VRK2: variants seen among roughly 807,000 people sequenced by gnomAD.
VRK2 encodes VRK serine/threonine kinase 2.
A neutral mutation model predicts 57.6 loss-of-function variants in VRK2; 60 were observed. The ratio of observed to expected loss-of-function variants is 1.04; its 90% confidence interval spans 0.85 to 1.29. VRK2 has a LOEUF of 1.29. Ranked by LOEUF, VRK2 falls within the 50% of genes most tolerant of loss-of-function variation. The probability of loss-of-function intolerance (pLI) is 0.00; values close to 1 mark genes in which losing one functional copy is unlikely to be tolerated. For missense variants in VRK2, 705 were observed against 588.1 expected (o/e 1.20, Z -2.06); for synonymous variants, 231 against 199.2 (o/e 1.16, Z -1.35).
intron 12 of VRK2, among the ~76,000 whole-genome samples, chr2:58,149,996 CTTTTTTTTTT>C (rs55783668): frequency 1.8e-5 from 2 of 108,346 alleles, no homozygotes; most frequent in Non-Finnish European, 3.9e-5. Context: ...TTTTTCTTTT[CTTTTTTTTTT>C]TTTTTTTTGC....
chr2:58,053,021 A>C (rs1675984321), intron 2 of VRK2, among the ~76,000 whole-genome samples: 1 of 152,208 alleles, frequency 6.6e-6, no homozygotes, highest in Non-Finnish European at 1.5e-5. Flanking sequence ...GCATCTTTGG[A>C]GTGTCAAGCA....
intron 8 of VRK2, among the ~76,000 whole-genome samples, chr2:58,126,121 T>C (rs72951097): frequency 0.021 from 3,203 of 150,410 alleles, 131 homozygotes; most frequent in African/African-American, 0.075. Flanking sequence ...TGAGGAAAAA[T>C]AGTGCAAAAT....
intron 1 of VRK2, among the ~76,000 whole-genome samples, chr2:57,920,535 T>G (rs577322756): frequency 6.6e-6 from 1 of 152,254 alleles, no homozygotes; most frequent in East Asian, 1.9e-4. Flanking sequence ...GATTATTATG[T>G]GCTTGTCAGG....
rs574141929 is a variant in VRK2 at position 57,979,104 on chromosome 2, T to C, written c.-438-46561T>C. Among the ~76,000 whole-genome samples, 11 of 151,390 alleles carry C rather than the reference T, an allele frequency of 7.3e-5. No homozygotes were observed. In the South Asian group the frequency reaches 2.3e-3, roughly 31 times the overall value. On this transcript the variant is annotated intron_variant, in intron 1 of 15. Coordinates refer to the VRK2 transcript ENST00000417641. ...GGTTGGTTCCATGTCTTTCCTATTGTAAATAGTACTGCAATAAACATACGT... is the reference window on the plus strand; with the variant it reads ...GGTTGGTTCCATGTCTTTCCTATTGCAAATAGTACTGCAATAAACATACGT...
At position 57,997,993 on chromosome 2, in the gene VRK2, CAT is replaced by C. The variant is rs1360488343; in HGVS notation, c.-438-27670_-438-27669del. Among the ~76,000 whole-genome samples the C allele has an allele frequency of 9.2e-5, 14 of 152,176 alleles. No individual in the cohort carries two copies. In the East Asian group the frequency reaches 2.3e-3, roughly 25 times the overall value. On this transcript the variant is annotated intron_variant, in intron 1 of 15. Transcript: ENST00000417641. ...CTTTAATATTTGATAACTATTATGA[CAT>C]AGACACATAATGATCAGAACACAAG...
At chr2:58,083,407 AC>A (rs771990132) in intron 2 of VRK2, among the ~76,000 whole-genome samples, 173 of 151,974 alleles carry the variant, frequency 1.1e-3, no homozygotes, top group Non-Finnish European at 2.1e-3. Context: ...TAAAATGTGA[AC>A]ACTGGAGTTT....
intron 2 of VRK2, among the ~76,000 whole-genome samples, chr2:58,031,824 T>G (rs550053515): frequency 1.3e-5 from 2 of 152,160 alleles, no homozygotes; most frequent in South Asian, 2.1e-4. Flanking sequence ...AATTTACACA[T>G]TCACTCATAC....
chr2:57,949,835 T>C (rs766525094), intron 1 of VRK2, among the ~76,000 whole-genome samples: 24 of 152,164 alleles, frequency 1.6e-4, no homozygotes, highest in Admixed American at 3.9e-4. Flanking sequence ...TTGAAATAAA[T>C]TTAAAAAGTA....
intron 10 of VRK2, among the ~76,000 whole-genome samples, chr2:58,139,006 G>C (rs972483460): frequency 6.6e-6 from 1 of 152,070 alleles, no homozygotes. Context: ...TTACTATGTA[G>C]TTCTAGGGGA....
In VRK2 at chr2:57,931,973, T is replaced by C. The variant is rs892000626; in HGVS notation, c.-439+24134T>C. Among the ~76,000 whole-genome samples the C allele has an allele frequency of 2.6e-5, 4 of 152,162 alleles. No individual in the cohort carries two copies. The South Asian group carries it at 8.3e-4, about 32-fold the overall frequency. Reference sequence around the variant, plus strand: ...TGAACTTTCTATTCTGTTGCATTGATCTATACGTCTGTTTTTATGGCAGTA... The same window carrying C: ...TGAACTTTCTATTCTGTTGCATTGACCTATACGTCTGTTTTTATGGCAGTA... On this transcript the variant is annotated intron_variant, in intron 1 of 15. Coordinates refer to the VRK2 transcript ENST00000417641.
chr2:58,059,595 A>G (rs568040757), intron 2 of VRK2, among the ~76,000 whole-genome samples: 86 of 151,986 alleles, frequency 5.7e-4, no homozygotes, highest in Admixed American at 1.2e-3. Context: ...TGTTTCAGAT[A>G]CCACTATATT....
At chr2:58,046,709 G>C, upstream of VRK2, 1 of 985,584 alleles carries the variant, frequency 1.0e-6, no homozygotes, top group Non-Finnish European at 1.2e-6. Flanking sequence ...GCACTGCGAG[G>C]CCGACGCAGC....
chr2:58,106,852 AAGCC>A (rs1674830804), intron 7 of VRK2, among the ~76,000 whole-genome samples: 1 of 152,144 alleles, frequency 6.6e-6, no homozygotes. Context: ...TTTGAAAAGT[AAGCC>A]AGCACCTCTT....
intron 1 of VRK2, among the ~76,000 whole-genome samples, chr2:57,940,022 G>A (rs1671042317): frequency 6.6e-6 from 1 of 152,058 alleles, no homozygotes; most frequent in Admixed American, 6.6e-5. Flanking sequence ...AAATCTCACA[G>A]TACACTCAGA....
At position 57,977,812 on chromosome 2, in the gene VRK2, G is replaced by T. The variant is rs191352837; in HGVS notation, c.-438-47853G>T. Among the ~76,000 whole-genome samples the T allele has an allele frequency of 1.7e-4, 26 of 151,316 alleles. No homozygotes were observed. The East Asian group carries it at 4.6e-3, about 27-fold the overall frequency. On this transcript the variant is annotated intron_variant, in intron 1 of 15. Coordinates refer to the VRK2 transcript ENST00000417641. ...TCTTGTTCTGGTTTTCAGGTGGAAT[G>T]ATTCCAGCTTCTGCTCGTTCAGTAT...
At chr2:57,949,078 A>AGGGGGGGGG (rs1671346718) in intron 1 of VRK2, among the ~76,000 whole-genome samples, 1 of 141,270 alleles carries the variant, frequency 7.1e-6, no homozygotes, top group Non-Finnish European at 1.5e-5. Context: ...GGTGGGGGAC[A>AGGGGGGGGG]GGGGGCGGGA....
intron 11 of VRK2, among the ~76,000 whole-genome samples, chr2:58,146,064 A>C (rs1472641635): frequency 6.6e-6 from 1 of 152,054 alleles, no homozygotes; most frequent in African/African-American, 2.4e-5. Flanking sequence ...GCTATTGTGA[A>C]TAGTGCCGTA....
intron 1 of VRK2, among the ~76,000 whole-genome samples, chr2:57,986,659 C>A (rs771262321): frequency 1.5e-4 from 21 of 139,964 alleles, no homozygotes; most frequent in Non-Finnish European, 2.9e-4. Flanking sequence ...AGTGCAGTGG[C>A]ACGATCTCAA....
At position 58,020,406 on chromosome 2, in the gene VRK2, T is replaced by G. The variant is rs573929761; in HGVS notation, c.-438-5259T>G. ...TATTTTTAGAGACAGAGTCTCAATATGTTTTGAAGGCTGGTCTTGAACTCC... is the reference window on the plus strand; with the variant it reads ...TATTTTTAGAGACAGAGTCTCAATAGGTTTTGAAGGCTGGTCTTGAACTCC... On this transcript the variant is annotated intron_variant, in intron 1 of 15. Coordinates refer to the VRK2 transcript ENST00000417641. Among the ~76,000 whole-genome samples, 13 of 152,316 alleles carry G rather than the reference T, an allele frequency of 8.5e-5. No homozygotes were observed. In the South Asian group the frequency reaches 2.3e-3, roughly 27 times the overall value.
Sources: allele counts gnomAD v4.1 joint callset (sites outside exome capture counted in the v4.1 genomes callset), GRCh38; gene constraint gnomAD v4.1.1; transcripts MANE v1.5; gene names NCBI Gene and HGNC (gene_info 2026-07-23, HGNC 2026-07-21).